The following ABHD3 variants were observed in gnomAD, a reference collection of about 807,000 sequenced individuals.
The protein encoded by ABHD3 is phospholipase ABHD3.
ABHD3 carries 46 observed loss-of-function variants against 48.8 expected under a neutral mutation model. That is an observed-to-expected ratio of 0.94 (90% CI 0.74 to 1.20). The LOEUF (loss-of-function observed/expected upper bound fraction) is 1.20, where lower values mean the gene tolerates loss of function less well. Among genes scored for constraint, ABHD3 ranks in the 50% most tolerant of loss-of-function variants. The pLI is 0.00. For synonymous variants in ABHD3, 192 were observed against 183.7 expected (o/e 1.04, Z -0.36); for missense variants, 490 against 497.8 (o/e 0.98, Z 0.15).
chr18:21,696,049 A>T (rs768063317), intron 3 of ABHD3, among the ~76,000 whole-genome samples: 1 of 151,386 alleles, frequency 6.6e-6, no homozygotes, highest in African/African-American at 2.4e-5. Flanking sequence ...TAAATTTTAA[A>T]TTTTTTTCTT....
chr18:21,679,754 T>C (rs1225867336), intron 4 of ABHD3, among the ~76,000 whole-genome samples: 1 of 152,198 alleles, frequency 6.6e-6, no homozygotes, highest in Admixed American at 6.5e-5. Context: ...CTCAAACTCC[T>C]GACCTCATGA....
chr18:21,685,279 A>T (rs949107982), intron 3 of ABHD3, among the ~76,000 whole-genome samples: 24 of 152,240 alleles, frequency 1.6e-4, no homozygotes, highest in Non-Finnish European at 2.2e-4. Context: ...TCTAAGCAAC[A>T]AAGAACCTAC....
intron 5 of ABHD3, among the ~76,000 whole-genome samples, chr18:21,659,963 T>A (rs2039449804): frequency 2.7e-5 from 1 of 36,822 alleles, no homozygotes; most frequent in Non-Finnish European, 4.2e-5. Flanking sequence ...GCACCCGGCC[T>A]TTTTTTTTTT....
At chr18:21,697,396 C>G (rs1598562578) in intron 3 of ABHD3, among the ~76,000 whole-genome samples, 1 of 149,782 alleles carries the variant, frequency 6.7e-6, no homozygotes, top group Admixed American at 6.7e-5. Context: ...TTTAAAAAAA[C>G]TGAGACAGAG....
rs889635142 is a variant in ABHD3, at chr18:21,704,666, G to A, written c.-1C>T. Reference sequence around the variant, plus strand: ...GCAGGTCCATGGCCAGGCGCTGCATGGCCCCCGAGCGCGGCGCGCGGGTCC... The same window carrying A: ...GCAGGTCCATGGCCAGGCGCTGCATAGCCCCCGAGCGCGGCGCGCGGGTCC... On this transcript the variant is annotated 5_prime_UTR_variant, in exon 1 of 9. Coordinates refer to ENST00000289119, the MANE Select transcript of ABHD3 (RefSeq NM_138340.5). 1 of 1,486,416 alleles carries A rather than the reference G, an allele frequency of 6.7e-7. No homozygotes were observed. Among genetic ancestry groups the A allele is most frequent in the Non-Finnish European group, 8.9e-7 (1 of 1,118,544 alleles). The allele number at this position is 1,486,416 out of a possible 1,614,324, so 92.1% of individuals were successfully genotyped here.
intron 4 of ABHD3, among the ~76,000 whole-genome samples, chr18:21,664,969 G>A (rs909337917): frequency 1.3e-5 from 2 of 152,042 alleles, no homozygotes; most frequent in Non-Finnish European, 2.9e-5. Flanking sequence ...TTTTGAGATG[G>A]AGTTTTGCTC....
In ABHD3 at chr18:21,664,104, A is replaced by G. The variant is rs1347882635; in HGVS notation, c.668+14T>C. The stretch of plus-strand genomic sequence containing the variant: ...TTCCCTCTCAGAGATTATTTTAGAA[A>G]GGGAAAACCTTACCCTCCCATTGAA... On this transcript the variant is annotated intron_variant, in intron 5 of 8. Coordinates refer to ENST00000289119, the MANE Select transcript of ABHD3 (RefSeq NM_138340.5). The G allele has an allele frequency of 6.3e-7, 1 of 1,598,264 alleles. No individual in the cohort carries two copies. The highest frequency in any genetic ancestry group is 8.5e-7 in the Non-Finnish European group (1 of 1,176,176).
At chr18:21,662,508 AG>A (rs1435812378) in intron 5 of ABHD3, 2 of 152,292 alleles carry the variant, frequency 1.3e-5, no homozygotes, top group African/African-American at 2.4e-5. Flanking sequence ...TGATGAAACG[AG>A]ATGATCCATG....
chr18:21,677,427 G>A (rs1598535857), intron 4 of ABHD3, among the ~76,000 whole-genome samples: 1 of 149,784 alleles, frequency 6.7e-6, no homozygotes, highest in East Asian at 2.0e-4. Context: ...GGATGGTCTC[G>A]ATCTCCTGAT....
intron 3 of ABHD3, among the ~76,000 whole-genome samples, chr18:21,691,222 G>A (rs1412960589): frequency 6.6e-6 from 1 of 152,120 alleles, no homozygotes; most frequent in African/African-American, 2.4e-5. Context: ...TTAATTCATA[G>A]GAAGACTAAC....
intron 1 of ABHD3, 120 bp downstream of exon 1, chr18:21,704,384 G>GAGCAGCTCGCC: frequency 1.8e-6 from 2 of 1,084,490 alleles, no homozygotes; most frequent in Non-Finnish European, 2.4e-6. Context: ...TGCCGCTCGG[G>GAGCAGCTCGCC]AGCAGCTCGC....
At chr18:21,681,453 G>A (rs1051964765) in intron 4 of ABHD3, among the ~76,000 whole-genome samples, 1 of 151,648 alleles carries the variant, frequency 6.6e-6, no homozygotes, top group Admixed American at 6.6e-5. Flanking sequence ...TTCCCCCTCC[G>A]TCTGCTTTCA....
At chr18:21,703,461 C>T in intron 2 of ABHD3, 123 bp downstream of exon 2, 1 of 1,167,582 alleles carries the variant, frequency 8.6e-7, no homozygotes, top group Non-Finnish European at 1.2e-6. Flanking sequence ...CATTTTCATT[C>T]CCTCTTTCTG....
chr18:21,699,208 C>T (rs1434534165), intron 3 of ABHD3, among the ~76,000 whole-genome samples: 1 of 152,164 alleles, frequency 6.6e-6, no homozygotes, highest in African/African-American at 2.4e-5. Flanking sequence ...GCGACCACAC[C>T]TGGCCTACTT....
chr18:21,674,528 G>A (rs936696912), intron 4 of ABHD3, among the ~76,000 whole-genome samples: 2 of 152,130 alleles, frequency 1.3e-5, no homozygotes, highest in Admixed American at 6.6e-5. Context: ...GATTACAGGT[G>A]TGAGCCACCA....
At chr18:21,654,471 T>G in intron 8 of ABHD3, among the ~76,000 whole-genome samples, 1 of 152,174 alleles carries the variant, frequency 6.6e-6, no homozygotes, top group East Asian at 1.9e-4. Flanking sequence ...CTCAACAAGC[T>G]AAGTTCTTAT....
Position 21,651,512 on chromosome 18 carries a change from C to A in ABHD3, c.*79G>T. Reference sequence around the variant, plus strand: ...TCTGCTGGCTTATTTGCTTTATATACAACAGTTAAAATTTGTGCACTAAGC... The same window carrying A: ...TCTGCTGGCTTATTTGCTTTATATAAAACAGTTAAAATTTGTGCACTAAGC... On this transcript the variant is annotated 3_prime_UTR_variant, in exon 9 of 9. Transcript: ENST00000289119. The A allele has an allele frequency of 6.4e-7, 1 of 1,551,820 alleles. No individual in the cohort carries two copies. The highest frequency in any genetic ancestry group is 8.8e-7 in the Non-Finnish European group (1 of 1,134,774).
chr18:21,661,102 T>TAAAAAAAAAAAAC (rs2039482761), intron 5 of ABHD3, among the ~76,000 whole-genome samples: 1 of 57,226 alleles, frequency 1.7e-5, no homozygotes, highest in Non-Finnish European at 3.2e-5. Context: ...AACTACAAGC[T>TAAAAAAAAAAAAC]AAAAAAAAAA....
chr18:21,704,535 T>G lies in ABHD3; in HGVS notation c.131A>C (p.Tyr44Ser), dbSNP rs1207772549. The G allele has an allele frequency of 6.6e-7, 1 of 1,509,094 alleles. No homozygotes were observed. The allele number at this position is 1,509,094 out of a possible 1,614,324, so 93.5% of individuals were successfully genotyped here. The change falls in exon 1 of 9, where the codon TAT (tyrosine) becomes TCT (serine). Residue 44 changes from tyrosine to serine, a missense_variant. Transcript: ENST00000289119. ...LSLILGFSVA[Y>S]AFYYLSSIAK... ...AATGCTGCTCAGGTAGTAGAAGGCATAAGCGACGCTGAAGCCCAGGATAAG... is the reference window on the plus strand; with the variant it reads ...AATGCTGCTCAGGTAGTAGAAGGCAGAAGCGACGCTGAAGCCCAGGATAAG...
Sources: gnomAD v4.1 joint callset for allele counts (sites outside exome capture counted in the v4.1 genomes callset) on GRCh38, gnomAD v4.1.1 for gene constraint, MANE v1.5 for transcripts, NCBI Gene and HGNC (gene_info 2026-07-23, HGNC 2026-07-21) for gene names.